AK9: variants seen among roughly 807,000 people sequenced by gnomAD.
The protein encoded by AK9 is adenylate kinase 9, also known as adenylate kinase domain containing 1.
Under a neutral mutation model 239.6 loss-of-function variants are expected in AK9, and 191 were observed. That is an observed-to-expected ratio of 0.80 (90% CI 0.71 to 0.90). The LOEUF (loss-of-function observed/expected upper bound fraction) is 0.90. AK9 is among the 40% of genes least tolerant of loss of function. The pLI is 0.00. For synonymous variants in AK9, 689 were observed against 721.0 expected, an observed-to-expected ratio of 0.96 and a Z score of 0.71; for missense variants, 1,995 against 2,214.7, an observed-to-expected ratio of 0.90 and a Z score of 1.99.
intron 13 of AK9, among the ~76,000 whole-genome samples, chr6:109,616,251 G>A (rs951653604): frequency 1.3e-5 from 2 of 152,132 alleles, no homozygotes; most frequent in African/African-American, 2.4e-5. Context: ...CAACTGAAAC[G>A]AAGTAAGGTT....
intron 8 of AK9, among the ~76,000 whole-genome samples, chr6:109,647,629 C>T (rs565816126): frequency 1.9e-4 from 29 of 152,178 alleles, no homozygotes; most frequent in Non-Finnish European, 4.1e-4. Context: ...GACTCCCACA[C>T]AATAATAATG....
At chr6:109,654,216 G>C (rs1277568647) in intron 8 of AK9, among the ~76,000 whole-genome samples, 4 of 152,140 alleles carry the variant, frequency 2.6e-5, no homozygotes, top group Non-Finnish European at 5.9e-5. Flanking sequence ...AATATTGTAT[G>C]AGGTTAGATT....
chr6:109,601,840 T>TC (rs1554266739), intron 17 of AK9, among the ~76,000 whole-genome samples: 1 of 151,838 alleles, frequency 6.6e-6, no homozygotes, highest in Non-Finnish European at 1.5e-5. Context: ...GCAATGACCT[T>TC]GTCTCTTTTG....
At chr6:109,517,067 G>A (rs1397339368) in intron 29 of AK9, among the ~76,000 whole-genome samples, 1 of 152,178 alleles carries the variant, frequency 6.6e-6, no homozygotes, top group African/African-American at 2.4e-5. Flanking sequence ...GTTGCTGGTT[G>A]TAGTAGCAGT....
chr6:109,549,657 A>ATTTTTTTTTTTTTTTTTTTTTTTTT (rs1491473032), intron 25 of AK9: 1 of 122,352 alleles, frequency 8.2e-6, no homozygotes, highest in African/African-American at 2.7e-5. Context: ...TTGAACTTAG[A>ATTTTTTTTTTTTTTTTTTTTTTTTT]TATTTTCTTT....
chr6:109,502,957 ATGTGTGTGTG>A (rs58542655), intron 35 of AK9, among the ~76,000 whole-genome samples: 4 of 145,402 alleles, frequency 2.8e-5, no homozygotes, highest in African/African-American at 5.1e-5. Flanking sequence ...CAGGAACGGT[ATGTGTGTGTG>A]TGTGTGTGTG....
chr6:109,609,882 A>G (rs912928161), intron 17 of AK9, among the ~76,000 whole-genome samples: 1 of 152,186 alleles, frequency 6.6e-6, no homozygotes, highest in African/African-American at 2.4e-5. Flanking sequence ...ATTGATAGAT[A>G]GCATTTGAGG....
At chr6:109,648,571 A>G (rs1798427582) in intron 8 of AK9, among the ~76,000 whole-genome samples, 1 of 152,224 alleles carries the variant, frequency 6.6e-6, no homozygotes, top group South Asian at 2.1e-4. Context: ...TAGACCAATA[A>G]CAGGCTCTGA....
intron 16 of AK9, among the ~76,000 whole-genome samples, chr6:109,610,906 G>A (rs1468813701): frequency 1.3e-5 from 2 of 152,168 alleles, no homozygotes; most frequent in African/African-American, 4.8e-5. Flanking sequence ...GACTACAAGG[G>A]ACAGTGAGAG....
chr6:109,597,636 G>C (rs1188591810), intron 17 of AK9, among the ~76,000 whole-genome samples: 3 of 152,040 alleles, frequency 2.0e-5, no homozygotes, highest in Admixed American at 2.0e-4. Flanking sequence ...TGGCGCCACT[G>C]CATTCCAGCC....
At chr6:109,586,843 C>A (rs1789563074) in intron 17 of AK9, among the ~76,000 whole-genome samples, 1 of 152,130 alleles carries the variant, frequency 6.6e-6, no homozygotes, top group Non-Finnish European at 1.5e-5. Flanking sequence ...TATGAAAACA[C>A]CAATTCTGAG....
At chr6:109,665,553 T>C (rs1475611902) in intron 5 of AK9, among the ~76,000 whole-genome samples, 1 of 152,210 alleles carries the variant, frequency 6.6e-6, no homozygotes, top group Non-Finnish European at 1.5e-5. Context: ...TTCCACTTGA[T>C]TAACAACATG....
intron 12 of AK9, among the ~76,000 whole-genome samples, chr6:109,622,157 T>C (rs1794939179): frequency 6.8e-6 from 1 of 146,230 alleles, no homozygotes; most frequent in African/African-American, 2.5e-5. Flanking sequence ...CATTATATAA[T>C]ATACATTTTT....
chr6:109,504,338 C>T (rs778826562), intron 35 of AK9, among the ~76,000 whole-genome samples: 15 of 151,330 alleles, frequency 9.9e-5, no homozygotes, highest in Admixed American at 2.0e-4. Context: ...CACCCCAGCC[C>T]GGGAAACAGA....
chr6:109,546,746 A>T (rs9374095), intron 25 of AK9, among the ~76,000 whole-genome samples: 88,501 of 152,028 alleles, frequency 0.58, 27,456 homozygotes, highest in East Asian at 0.84. Flanking sequence ...GGAAGGAGAA[A>T]AATTAGAATG....
intron 24 of AK9, among the ~76,000 whole-genome samples, chr6:109,561,711 C>T (rs1286869001): frequency 6.6e-6 from 1 of 152,020 alleles, no homozygotes; most frequent in Non-Finnish European, 1.5e-5. Context: ...ATCTTTGTTC[C>T]TGTGTATGTG....
chr6:109,568,735 C>A (rs899781295), intron 21 of AK9, among the ~76,000 whole-genome samples: 2 of 152,054 alleles, frequency 1.3e-5, no homozygotes, highest in Non-Finnish European at 2.9e-5. Context: ...ATGTGAAGGA[C>A]CTCTTCAAGG....
intron 17 of AK9, among the ~76,000 whole-genome samples, chr6:109,588,089 G>C (rs1400127807): frequency 7.1e-6 from 1 of 141,026 alleles, no homozygotes; most frequent in Non-Finnish European, 1.5e-5. Context: ...TTTTTTTTTT[G>C]AGACGGAGTT....
At chr6:109,659,919 T>C (rs1053503605) in intron 6 of AK9, among the ~76,000 whole-genome samples, 2 of 152,178 alleles carry the variant, frequency 1.3e-5, no homozygotes, top group Non-Finnish European at 1.5e-5. Flanking sequence ...TATTCTAGTA[T>C]AACATTTATA....
Sources: gnomAD v4.1 joint callset for allele counts (sites outside exome capture counted in the v4.1 genomes callset) on GRCh38, gnomAD v4.1.1 for gene constraint, MANE v1.5 for transcripts, NCBI Gene and HGNC (gene_info 2026-07-23, HGNC 2026-07-21) for gene names.